Variants in MYO10 observed in about 807,000 individuals in gnomAD.
The protein encoded by MYO10 is myosin X.
Under a neutral mutation model 257.3 loss-of-function variants are expected in MYO10, and 133 were observed. The observed-to-expected ratio is 0.52, with a 90% CI of 0.45 to 0.60. The LOEUF (loss-of-function observed/expected upper bound fraction) is 0.60, where lower values mean the gene tolerates loss of function less well. Ranked by LOEUF, MYO10 falls within the 20% of genes least tolerant of loss-of-function variation. The pLI, the probability that MYO10 is intolerant of heterozygous loss-of-function variation, is 0.00. For missense variants in MYO10, 2,399 were observed against 2,635.7 expected, an observed-to-expected ratio of 0.91 and a Z score of 1.97; for synonymous variants, 1,104 against 1,028.6, an observed-to-expected ratio of 1.07 and a Z score of -1.40.
chr5:16,691,912 G>C (rs1209839135), intron 27 of MYO10, among the ~76,000 whole-genome samples: 2 of 152,138 alleles, frequency 1.3e-5, no homozygotes, highest in Non-Finnish European at 2.9e-5. Flanking sequence ...TGCCCATATA[G>C]GGTTGGTGAA....
chr5:16,914,594 A>G (rs558194929), intron 1 of MYO10, among the ~76,000 whole-genome samples: 3 of 152,180 alleles, frequency 2.0e-5, no homozygotes, highest in African/African-American at 7.2e-5. Flanking sequence ...CTAGCCCCAG[A>G]TATGTCTTTC....
intron 21 of MYO10, among the ~76,000 whole-genome samples, chr5:16,710,325 A>C (rs902025074): frequency 6.6e-6 from 1 of 152,158 alleles, no homozygotes; most frequent in African/African-American, 2.4e-5. Context: ...AAATTTTGTG[A>C]CTAATTTTTT....
intron 1 of MYO10, chr5:16,902,593 G>A (rs1299910912): frequency 1.9e-6 from 3 of 1,568,794 alleles, no homozygotes; most frequent in African/African-American, 1.3e-5. Context: ...GGCTGCACGT[G>A]GCCGCGGCCC....
At chr5:16,673,959 G>T in intron 35 of MYO10, 70 bp from the exon 36 acceptor site, 2 of 1,423,372 alleles carry the variant, frequency 1.4e-6, no homozygotes, top group Non-Finnish European at 2.0e-6. Flanking sequence ...ACTAGGCTGT[G>T]CCAAGGTTCT....
At chr5:16,895,231 T>A (rs912167757) in intron 1 of MYO10, among the ~76,000 whole-genome samples, 1 of 152,218 alleles carries the variant, frequency 6.6e-6, no homozygotes, top group African/African-American at 2.4e-5. Context: ...TCACTCAAAA[T>A]TTGGAAATTC....
At chr5:16,671,398 T>C in intron 38 of MYO10, 24 bp downstream of exon 38, 1 of 1,612,530 alleles carries the variant, frequency 6.2e-7, no homozygotes, top group Non-Finnish European at 8.5e-7. Flanking sequence ...GGCAAAGAAA[T>C]CTGTTTCTAA....
rs1191628195 is a variant in MYO10, at chr5:16,664,603, A to G, written c.*2089T>C. 2 of 152,194 alleles carry G rather than the reference A, an allele frequency of 1.3e-5. No individual in the cohort carries two copies. Among genetic ancestry groups the G allele is most frequent in the African/African-American group, 4.8e-5 (2 of 41,440 alleles). 9.4% of individuals were successfully genotyped at this position (152,194 alleles called of 1,614,324 possible). A position where few individuals can be genotyped will look rare whatever the true frequency, so the allele number is the denominator to read the frequency against. ...GAGAAGTGGCGCTTGCTCATGCTAGACGCCTGGCCTGGTGGTTTGGGTACA... is the reference window on the plus strand; with the variant it reads ...GAGAAGTGGCGCTTGCTCATGCTAGGCGCCTGGCCTGGTGGTTTGGGTACA... On this transcript the variant is annotated 3_prime_UTR_variant, in exon 41 of 41. Transcript: ENST00000513610.
intron 2 of MYO10, among the ~76,000 whole-genome samples, chr5:16,818,410 G>GTATATATATATA (rs1178796616): frequency 1.1e-5 from 1 of 90,300 alleles, no homozygotes; most frequent in Non-Finnish European, 2.3e-5. Context: ...GTGTGTGTGT[G>GTATATATATATA]TATATATATA....
At chr5:16,866,310 C>T (rs1011904548) in intron 2 of MYO10, among the ~76,000 whole-genome samples, 19 of 152,062 alleles carry the variant, frequency 1.2e-4, no homozygotes, top group African/African-American at 3.9e-4. Flanking sequence ...AACTGGACTG[C>T]GGAAAAACAT....
chr5:16,755,669 C>T (rs1014537064), intron 18 of MYO10, among the ~76,000 whole-genome samples: 5 of 151,768 alleles, frequency 3.3e-5, no homozygotes, highest in South Asian at 4.1e-4. Context: ...ACCTTCAAAT[C>T]GCCAGACTTA....
At chr5:16,730,597 G>T (rs1739542148) in intron 19 of MYO10, among the ~76,000 whole-genome samples, 1 of 152,200 alleles carries the variant, frequency 6.6e-6, no homozygotes, top group Non-Finnish European at 1.5e-5. Context: ...AGCATCAGCT[G>T]GTACGGGATG....
chr5:16,893,817 G>C (rs1745141844), intron 1 of MYO10, among the ~76,000 whole-genome samples: 1 of 151,982 alleles, frequency 6.6e-6, no homozygotes, highest in African/African-American at 2.4e-5. Context: ...ACTAGCCCTA[G>C]TTATATCCCT....
Position 16,717,893 on chromosome 5 carries a change from C to T in MYO10, c.1930-6648G>A, listed in dbSNP as rs558225562. 2.0e-5 allele frequency among the ~76,000 whole-genome samples: 3 copies of T among 152,348 alleles called. No individual in the cohort carries two copies. In the East Asian group the frequency reaches 5.8e-4, roughly 29 times the overall value. ...AGCCCCCTCACTGCACTGTGGAAGC[C>T]CCTTTCTGGTCTGGCCAAGGCTGGA... On this transcript the variant is annotated intron_variant, in intron 19 of 40. Coordinates refer to ENST00000513610, the MANE Select transcript of MYO10 (RefSeq NM_012334.3).
At chr5:16,672,266 G>A (rs1215715416) in intron 37 of MYO10, among the ~76,000 whole-genome samples, 2 of 142,246 alleles carry the variant, frequency 1.4e-5, no homozygotes, top group African/African-American at 5.4e-5. Flanking sequence ...CTGCACTTCA[G>A]CCTGGGCAAC....
intron 17 of MYO10, 22 bp from the exon 18 acceptor site, chr5:16,758,248 G>T: frequency 6.7e-7 from 1 of 1,498,468 alleles, no homozygotes; most frequent in Non-Finnish European, 9.3e-7. Context: ...AAGAGCAGGA[G>T]GTCAGTGAGG....
chr5:16,698,692 C>G (rs951176558), intron 26 of MYO10, among the ~76,000 whole-genome samples: 2 of 137,212 alleles, frequency 1.5e-5, no homozygotes, highest in Non-Finnish European at 3.0e-5. Flanking sequence ...GGCGCGATCT[C>G]GGCTCACTGC....
chr5:16,843,225 G>A (rs1192051402), intron 2 of MYO10, among the ~76,000 whole-genome samples: 1 of 152,130 alleles, frequency 6.6e-6, no homozygotes, highest in Admixed American at 6.6e-5. Flanking sequence ...CTTCAAGTAT[G>A]CTCCACGCCC....
At chr5:16,671,282 A>T in intron 38 of MYO10, 140 bp downstream of exon 38, 1 of 1,089,004 alleles carries the variant, frequency 9.2e-7, no homozygotes. Context: ...AACGAATGAA[A>T]GAGCAGCTGG....
At chr5:16,872,247 T>C (rs1332798377) in intron 2 of MYO10, among the ~76,000 whole-genome samples, 2 of 152,172 alleles carry the variant, frequency 1.3e-5, no homozygotes, top group African/African-American at 4.8e-5. Context: ...AAAAAGTATC[T>C]TGAGAGCCTT....
Sources: allele counts gnomAD v4.1 joint callset (sites outside exome capture counted in the v4.1 genomes callset), GRCh38; gene constraint gnomAD v4.1.1; transcripts MANE v1.5; gene names NCBI Gene and HGNC (gene_info 2026-07-23, HGNC 2026-07-21).